The following CDH13 variants were observed in gnomAD, a reference collection of about 807,000 sequenced individuals.
CDH13 encodes the protein cadherin 13.
Under a neutral mutation model 63.8 loss-of-function variants are expected in CDH13, and 24 were observed. The ratio of observed to expected loss-of-function variants is 0.38; its 90% confidence interval spans 0.27 to 0.53. The LOEUF (loss-of-function observed/expected upper bound fraction) is 0.53, where lower values mean the gene tolerates loss of function less well. CDH13 is among the 20% of genes least tolerant of loss of function. CDH13 has a pLI of 0.85. For missense variants in CDH13, 1,049 were observed against 903.1 expected (o/e 1.16, Z -2.07); for synonymous variants, 503 against 355.3 (o/e 1.42, Z -4.67).
At chr16:83,446,997 T>TTAAGAAG (rs2072708931) in intron 6 of CDH13, among the ~76,000 whole-genome samples, 1 of 137,664 alleles carries the variant, frequency 7.3e-6, no homozygotes, top group Non-Finnish European at 1.5e-5. Context: ...ATTGAAGGGG[T>TTAAGAAG]TAAGAAGTAA....
intron 7 of CDH13, among the ~76,000 whole-genome samples, chr16:83,496,740 A>G (rs1198992114): frequency 6.6e-6 from 1 of 152,226 alleles, no homozygotes; most frequent in Non-Finnish European, 1.5e-5. Flanking sequence ...CAAAATGGGG[A>G]AAATTTTCGC....
chr16:82,674,844 CAAAG>C (rs1366755439), intron 1 of CDH13, among the ~76,000 whole-genome samples: 1 of 152,072 alleles, frequency 6.6e-6, no homozygotes, highest in African/African-American at 2.4e-5. Flanking sequence ...AAATGGATGA[CAAAG>C]AATAAGTTAT....
At chr16:83,484,211 G>A (rs1236235666) in intron 6 of CDH13, among the ~76,000 whole-genome samples, 2 of 152,184 alleles carry the variant, frequency 1.3e-5, no homozygotes, top group Admixed American at 6.5e-5. Context: ...TTGATGATTA[G>A]AGAAGCATTG....
chr16:82,712,448 ATTC>A (rs1175813152), intron 1 of CDH13, among the ~76,000 whole-genome samples: 1 of 152,104 alleles, frequency 6.6e-6, no homozygotes, highest in African/African-American at 2.4e-5. Flanking sequence ...CACCTTGCGT[ATTC>A]TTCTCCATGG....
At chr16:82,734,690 C>T (rs1356698159) in intron 1 of CDH13, among the ~76,000 whole-genome samples, 1 of 152,190 alleles carries the variant, frequency 6.6e-6, no homozygotes, top group African/African-American at 2.4e-5. Context: ...TGATACAGAC[C>T]AATGGCAACC....
At chr16:83,299,102 C>T (rs577399893) in intron 5 of CDH13, among the ~76,000 whole-genome samples, 3 of 152,170 alleles carry the variant, frequency 2.0e-5, no homozygotes, top group African/African-American at 4.8e-5. Flanking sequence ...TATAATTTTA[C>T]CAAAATAGAA....
intron 1 of CDH13, among the ~76,000 whole-genome samples, chr16:82,830,600 A>G (rs9924337): frequency 2.8e-3 from 428 of 152,304 alleles, no homozygotes; most frequent in African/African-American, 9.9e-3. Context: ...CCTCACACTC[A>G]TCTTATTTGT....
chr16:83,677,888 A>C (rs1915093432), intron 9 of CDH13, among the ~76,000 whole-genome samples: 1 of 152,036 alleles, frequency 6.6e-6, no homozygotes, highest in African/African-American at 2.4e-5. Context: ...ACTAAGGTTC[A>C]AGTCACTCAC....
At chr16:83,707,663 G>T (rs559854493) in intron 10 of CDH13, among the ~76,000 whole-genome samples, 4 of 151,696 alleles carry the variant, frequency 2.6e-5, no homozygotes, top group African/African-American at 9.7e-5. Context: ...TAGATTCCCC[G>T]TGTATCATAT....
At chr16:82,868,846 A>C (rs11150506) in intron 2 of CDH13, among the ~76,000 whole-genome samples, 18,169 of 152,258 alleles carry the variant, frequency 0.12, 1,140 homozygotes, top group Admixed American at 0.19. Flanking sequence ...GAGATGCCAC[A>C]GTTCAGCTGC....
intron 1 of CDH13, among the ~76,000 whole-genome samples, chr16:82,837,473 G>T (rs905507371): frequency 6.6e-6 from 1 of 152,020 alleles, no homozygotes; most frequent in Non-Finnish European, 1.5e-5. Flanking sequence ...GCCACCCCCA[G>T]TTTCCTTGAT....
chr16:82,946,977 G>T (rs1374678051), intron 2 of CDH13, among the ~76,000 whole-genome samples: 3 of 149,506 alleles, frequency 2.0e-5, no homozygotes, highest in Non-Finnish European at 4.4e-5. Flanking sequence ...AATAACACTA[G>T]GCCAAAGTCT....
chr16:83,216,704 T>C (rs1597535593), intron 4 of CDH13, among the ~76,000 whole-genome samples: 1 of 147,356 alleles, frequency 6.8e-6, no homozygotes, highest in Non-Finnish European at 1.5e-5. Context: ...TATCTATATA[T>C]AATATTGATG....
At chr16:83,162,546 C>CCATTCCCGGCCTCAACCTACTTTTT (rs1382162818) in intron 4 of CDH13, among the ~76,000 whole-genome samples, 2 of 152,036 alleles carry the variant, frequency 1.3e-5, no homozygotes, top group Admixed American at 6.6e-5. Flanking sequence ...AAAGGTTGAA[C>CCATTCCCGGCCTCAACCTACTTTTT]AAAGCAAGGT....
intron 5 of CDH13, among the ~76,000 whole-genome samples, chr16:83,282,210 T>C (rs1310721482): frequency 1.3e-5 from 2 of 152,038 alleles, no homozygotes; most frequent in Non-Finnish European, 2.9e-5. Context: ...ACAGATACAA[T>C]AGTAACATCA....
In CDH13 at chr16:83,299,485, T is replaced by A. The variant is rs568470239; in HGVS notation, c.637-45377T>A. On this transcript the variant is annotated intron_variant, in intron 5 of 13. Transcript: ENST00000567109. ...CATTCTTCCCCCAAGTCTCCATCAC[T>A]CATCTGCTTTTCCGTGGCATGTCAT... is the stretch of plus-strand genomic sequence containing the variant. 2.0e-5 allele frequency among the ~76,000 whole-genome samples: 3 copies of A among 152,324 alleles called. No individual in the cohort carries two copies. In the South Asian group the frequency reaches 6.2e-4, roughly 32 times the overall value.
chr16:82,838,864 T>C (rs1203295571), intron 1 of CDH13, among the ~76,000 whole-genome samples: 15 of 152,238 alleles, frequency 9.9e-5, no homozygotes, highest in Admixed American at 9.8e-4. Flanking sequence ...TAAAGGTCCC[T>C]GCCCTCTGGC....
chr16:83,102,858 G>A (rs757179988), intron 3 of CDH13, among the ~76,000 whole-genome samples: 2 of 149,574 alleles, frequency 1.3e-5, no homozygotes, highest in Non-Finnish European at 3.0e-5. Context: ...TGTGATACAT[G>A]TAGGCTGAAC....
At chr16:82,664,056 C>A (rs12446301) in intron 1 of CDH13, among the ~76,000 whole-genome samples, 2 of 152,158 alleles carry the variant, frequency 1.3e-5, no homozygotes, top group East Asian at 3.9e-4. Context: ...TCTTATTCTG[C>A]GGAAATATTA....
Sources: allele counts gnomAD v4.1 joint callset (sites outside exome capture counted in the v4.1 genomes callset), GRCh38; gene constraint gnomAD v4.1.1; transcripts MANE v1.5; gene names NCBI Gene and HGNC (gene_info 2026-07-23, HGNC 2026-07-21).